IQSEC1: variants seen among roughly 807,000 people sequenced by gnomAD.
IQSEC1 encodes the protein IQ motif and SEC7 domain-containing protein 1.
Under a neutral mutation model 91.0 loss-of-function variants are expected in IQSEC1, and 31 were observed. The ratio of observed to expected loss-of-function variants is 0.34; its 90% CI spans 0.26 to 0.46. IQSEC1 has a LOEUF of 0.46. IQSEC1 is among the 20% of genes least tolerant of loss of function. The probability of loss-of-function intolerance (pLI) is 1.00; values close to 1 mark genes in which losing one functional copy is unlikely to be tolerated. For synonymous variants in IQSEC1, 699 were observed against 662.6 expected, an observed-to-expected ratio of 1.05 and a Z score of -0.84; for missense variants, 1,388 against 1,575.6, an observed-to-expected ratio of 0.88 and a Z score of 2.02.
chr3:13,020,042 C>A lies in IQSEC1; in HGVS notation c.23+52950G>T, dbSNP rs77873738. On this transcript the variant is annotated intron_variant, in intron 1 of 13. Transcript: ENST00000613206. Reference sequence around the variant, plus strand: ...CACCCTTGGACAGGGCACAGCGGGCCTCCCAGTGCCGAGCCCTCTGCATTC... The same window carrying A: ...CACCCTTGGACAGGGCACAGCGGGCATCCCAGTGCCGAGCCCTCTGCATTC... 5.6e-3 allele frequency among the ~76,000 whole-genome samples: 848 copies of A among 152,340 alleles called. 10 individuals carry two copies. Among genetic ancestry groups the A allele is most frequent in the African/African-American group, 0.019 (799 of 41,570 alleles).
chr3:13,112,761 G>A (rs1412415471), intron 2 of IQSEC1, among the ~76,000 whole-genome samples: 2 of 152,188 alleles, frequency 1.3e-5, no homozygotes, highest in Non-Finnish European at 2.9e-5. Flanking sequence ...CCCCTCCCCT[G>A]ACCTGGCCAC....
chr3:12,960,068 C>T (rs992285649), intron 1 of IQSEC1, among the ~76,000 whole-genome samples: 3 of 152,186 alleles, frequency 2.0e-5, no homozygotes, highest in African/African-American at 4.8e-5. Context: ...TCCTCTCCAC[C>T]CTACCCTCAC....
intron 2 of IQSEC1, among the ~76,000 whole-genome samples, chr3:13,098,538 G>GCCCTC (rs1429395877): frequency 2.6e-5 from 4 of 152,174 alleles, no homozygotes; most frequent in African/African-American, 9.7e-5. Context: ...AAAATAGGAG[G>GCCCTC]ATGGAGAGGG....
chr3:13,105,095 G>A (rs1706131106), intron 2 of IQSEC1, among the ~76,000 whole-genome samples: 1 of 152,288 alleles, frequency 6.6e-6, no homozygotes, highest in African/African-American at 2.4e-5. Flanking sequence ...CTTCTGCCCT[G>A]TGCAGTGTGA....
intron 1 of IQSEC1, among the ~76,000 whole-genome samples, chr3:12,993,120 G>A (rs1235708800): frequency 6.6e-6 from 1 of 152,162 alleles, no homozygotes; most frequent in African/African-American, 2.4e-5. Flanking sequence ...CTATGGGTCA[G>A]GGTCCAGAGG....
At position 12,901,293 on chromosome 3, in the gene IQSEC1, T is replaced by G; in HGVS notation, c.3035A>C (p.His1012Pro). 7.0e-7 allele frequency: 1 copy of G among 1,436,098 alleles called. No homozygotes were observed. The allele number at this position is 1,436,098 out of a possible 1,614,324, so 89.0% of individuals were successfully genotyped here. The change falls in exon 14 of 14, where the codon CAC becomes CCC. Residue 1012 changes from histidine (H) to proline (P), a missense_variant. His to Pro is a moderately conservative substitution (Grantham distance 77). Transcript: ENST00000613206. The part of the protein sequence containing the change: ...PHLQHSVAGH[H>P]LGPPEGLPQA... ...CGGCAGCCCCTCTGGGGGCCCCAGGTGGTGGCCAGCCACAGAGTGCTGCAA... is the reference window on the plus strand; with the variant it reads ...CGGCAGCCCCTCTGGGGGCCCCAGGGGGTGGCCAGCCACAGAGTGCTGCAA...
upstream of IQSEC1, among the ~76,000 whole-genome samples, chr3:13,076,237 A>T (rs1705559195): frequency 6.6e-6 from 1 of 152,158 alleles, no homozygotes; most frequent in Non-Finnish European, 1.5e-5. Flanking sequence ...CACAGTGGGA[A>T]CCTAGCATTC....
intron 1 of IQSEC1, among the ~76,000 whole-genome samples, chr3:13,024,538 A>C (rs1703538889): frequency 6.8e-6 from 1 of 146,148 alleles, no homozygotes; most frequent in Non-Finnish European, 1.5e-5. Flanking sequence ...TATCATTGTA[A>C]ATTTGAATTC....
At chr3:13,163,933 C>T (rs958491069) in intron 2 of IQSEC1, among the ~76,000 whole-genome samples, 2 of 152,176 alleles carry the variant, frequency 1.3e-5, no homozygotes, top group Admixed American at 6.5e-5. Context: ...CAGACGTGCT[C>T]TGCAGATCAT....
chr3:13,148,819 C>T (rs1383521268), intron 2 of IQSEC1, among the ~76,000 whole-genome samples: 1 of 152,282 alleles, frequency 6.6e-6, no homozygotes, highest in Non-Finnish European at 1.5e-5. Flanking sequence ...GGCTAGCCTG[C>T]TTTGGCTCCC....
At chr3:13,206,704 A>G (rs1694351983) in intron 1 of IQSEC1, among the ~76,000 whole-genome samples, 1 of 152,190 alleles carries the variant, frequency 6.6e-6, no homozygotes, top group African/African-American at 2.4e-5. Context: ...GACAGCAGTC[A>G]CCTGTGGGAA....
intron 3 of IQSEC1, among the ~76,000 whole-genome samples, chr3:12,933,808 C>T (rs182469155): frequency 6.6e-6 from 1 of 152,246 alleles, no homozygotes; most frequent in African/African-American, 2.4e-5. Context: ...AGGATGTTAT[C>T]CTGAGCTGCA....
chr3:12,917,718 T>C (rs1230097007), intron 6 of IQSEC1, among the ~76,000 whole-genome samples: 1 of 152,240 alleles, frequency 6.6e-6, no homozygotes, highest in Non-Finnish European at 1.5e-5. Context: ...GTGCAGGTTT[T>C]TCTGTGGGCC....
At chr3:12,932,116 T>C (rs1226366622) in intron 3 of IQSEC1, among the ~76,000 whole-genome samples, 3 of 152,146 alleles carry the variant, frequency 2.0e-5, no homozygotes, top group African/African-American at 4.8e-5. Context: ...AAAGTGGACA[T>C]AGCCAGGCAT....
At chr3:13,036,544 C>T (rs1431948219) in intron 1 of IQSEC1, among the ~76,000 whole-genome samples, 1 of 152,172 alleles carries the variant, frequency 6.6e-6, no homozygotes, top group African/African-American at 2.4e-5. Flanking sequence ...CCCCTCAAGC[C>T]ACAAAGCCAC....
chr3:12,907,512 C>T (rs559051541), intron 12 of IQSEC1, among the ~76,000 whole-genome samples: 8 of 152,298 alleles, frequency 5.3e-5, no homozygotes, highest in South Asian at 2.1e-4. Context: ...ACAGACTGTT[C>T]GGCGGAGGGC....
intron 1 of IQSEC1, among the ~76,000 whole-genome samples, chr3:13,206,033 C>A (rs989489991): frequency 6.7e-6 from 1 of 148,472 alleles, no homozygotes; most frequent in African/African-American, 2.5e-5. Context: ...CATCCCCCAT[C>A]CCCCCATCTG....
intron 1 of IQSEC1, among the ~76,000 whole-genome samples, chr3:12,959,503 C>T (rs770119110): frequency 3.3e-5 from 5 of 152,190 alleles, no homozygotes; most frequent in Non-Finnish European, 5.9e-5. Flanking sequence ...ACGGGCCTAG[C>T]CTCTCCCAGT....
At chr3:12,938,485 A>G (rs1698437337) in intron 2 of IQSEC1, among the ~76,000 whole-genome samples, 1 of 151,970 alleles carries the variant, frequency 6.6e-6, no homozygotes, top group African/African-American at 2.4e-5. Flanking sequence ...GCTTGAGGGG[A>G]GCAGATCAAA....
Sources: allele counts gnomAD v4.1 joint callset (sites outside exome capture counted in the v4.1 genomes callset), GRCh38; gene constraint gnomAD v4.1.1; transcripts MANE v1.5; gene names NCBI Gene and HGNC (gene_info 2026-07-23, HGNC 2026-07-21).